The following ST18 variants were observed in gnomAD, a reference collection of about 807,000 sequenced individuals.
ST18 encodes ST18 C2H2C-type zinc finger transcription factor, also known as suppression of tumorigenicity 18 protein.
Under a neutral mutation model 110.0 loss-of-function variants are expected in ST18, and 50 were observed. The ratio of observed to expected loss-of-function variants is 0.45; its 90% CI spans 0.36 to 0.58. The LOEUF (loss-of-function observed/expected upper bound fraction) is 0.58, where lower values mean the gene tolerates loss of function less well. Ranked by LOEUF, ST18 falls within the 20% of genes least tolerant of loss-of-function variation. ST18 has a pLI of 0.00. For synonymous variants in ST18, 461 were observed against 452.4 expected (o/e 1.02, Z -0.24); for missense variants, 1,306 against 1,280.1 (o/e 1.02, Z -0.31).
At chr8:52,307,155 G>GAA (rs375466585) in intron 2 of ST18, among the ~76,000 whole-genome samples, 52 of 149,142 alleles carry the variant, frequency 3.5e-4, no homozygotes, top group African/African-American at 1.3e-3. Context: ...CCTGCCTCTA[G>GAA]AAAAAAAAAA....
chr8:52,407,446 T>C (rs1844906944), intron 2 of ST18: 1 of 119,324 alleles, frequency 8.4e-6, no homozygotes, highest in African/African-American at 2.6e-5. Flanking sequence ...TTGTGATTTT[T>C]TCAATATTTT....
rs1469596642 is a variant in ST18 at position 52,231,710 on chromosome 8, C to T, written c.-464-1633G>A. Among the ~76,000 whole-genome samples, 19 of 152,160 alleles carry T rather than the reference C, an allele frequency of 1.2e-4. 1 individual carries two copies. Among genetic ancestry groups the T allele is most frequent in the Admixed American group, 1.0e-3 (16 of 15,272 alleles). On this transcript the variant is annotated intron_variant, in intron 2 of 25. Transcript: ENST00000689386. ...CAGGATGGTCTTGATCTCTTGACCT[C>T]GTGATCCGCCAGCCGCGGCCTCCCA...
intron 2 of ST18, among the ~76,000 whole-genome samples, chr8:52,236,048 C>A (rs1564233972): frequency 6.6e-6 from 1 of 152,146 alleles, no homozygotes; most frequent in Non-Finnish European, 1.5e-5. Context: ...ACATACTGAT[C>A]TTGGATTAAA....
chr8:52,157,164 A>G (rs1013497609), intron 15 of ST18, among the ~76,000 whole-genome samples: 1 of 152,186 alleles, frequency 6.6e-6, no homozygotes, highest in Non-Finnish European at 1.5e-5. Flanking sequence ...AACCAAAAAT[A>G]TGTTTTTAAA....
At chr8:52,391,926 A>G (rs1042343568) in intron 2 of ST18, among the ~76,000 whole-genome samples, 8 of 152,198 alleles carry the variant, frequency 5.3e-5, no homozygotes, top group African/African-American at 9.6e-5. Flanking sequence ...CTCCAAGTAG[A>G]TGGAAGAGTA....
intron 2 of ST18, among the ~76,000 whole-genome samples, chr8:52,291,685 T>C (rs2095558021): frequency 6.6e-6 from 1 of 152,194 alleles, no homozygotes; most frequent in Non-Finnish European, 1.5e-5. Flanking sequence ...TTCAGTTTCA[T>C]TAATAGATGT....
At chr8:52,270,371 A>G (rs1324332075) in intron 2 of ST18, among the ~76,000 whole-genome samples, 1 of 152,168 alleles carries the variant, frequency 6.6e-6, no homozygotes. Flanking sequence ...GCTCCCCATT[A>G]TAAACAATGC....
intron 2 of ST18, among the ~76,000 whole-genome samples, chr8:52,383,390 C>T (rs984656124): frequency 6.6e-6 from 1 of 152,178 alleles, no homozygotes; most frequent in East Asian, 1.9e-4. Context: ...TCTGAAAAAC[C>T]GTGGGTGGTA....
chr8:52,239,420 C>A (rs988055147), intron 2 of ST18, among the ~76,000 whole-genome samples: 1 of 152,056 alleles, frequency 6.6e-6, no homozygotes, highest in African/African-American at 2.4e-5. Flanking sequence ...AAGGTGCCTG[C>A]ATGCTGTTTT....
chr8:52,129,483 T>C (rs1016448192), intron 22 of ST18, among the ~76,000 whole-genome samples: 2 of 145,886 alleles, frequency 1.4e-5, no homozygotes, highest in Non-Finnish European at 3.0e-5. Context: ...AGAAAGAAAT[T>C]CCACACACAG....
chr8:52,166,722 A>T, intron 11 of ST18, 130 bp downstream of exon 11: 1 of 1,248,068 alleles, frequency 8.0e-7, no homozygotes, highest in Non-Finnish European at 1.1e-6. Flanking sequence ...CCACAGCTAG[A>T]TGGAATTGGC....
At chr8:52,363,261 C>A (rs1826488722) in intron 2 of ST18, among the ~76,000 whole-genome samples, 1 of 152,126 alleles carries the variant, frequency 6.6e-6, no homozygotes. Flanking sequence ...GTCTATTTTA[C>A]CTGTACATTC....
At chr8:52,200,973 TG>T (rs1264478695) in intron 8 of ST18, 2 of 152,242 alleles carry the variant, frequency 1.3e-5, no homozygotes, top group Non-Finnish European at 2.9e-5. Context: ...AGAGGAGTGC[TG>T]GGGATGTAAA....
chr8:52,314,783 G>T (rs2095992775), intron 2 of ST18, among the ~76,000 whole-genome samples: 1 of 152,074 alleles, frequency 6.6e-6, no homozygotes, highest in Non-Finnish European at 1.5e-5. Flanking sequence ...CCCACCCATT[G>T]TGAGACTGCC....
intron 2 of ST18, among the ~76,000 whole-genome samples, chr8:52,253,068 A>G (rs1370183307): frequency 1.3e-5 from 2 of 151,614 alleles, no homozygotes; most frequent in East Asian, 3.9e-4. Context: ...ATTTTGCAGT[A>G]TTAGCTGTGG....
chr8:52,235,240 T>C (rs1341534018), intron 2 of ST18, among the ~76,000 whole-genome samples: 1 of 152,176 alleles, frequency 6.6e-6, no homozygotes, highest in Non-Finnish European at 1.5e-5. Context: ...CGTGGTAAGC[T>C]AGATGAACTA....
rs192820205 is a variant in ST18 at position 52,171,232 on chromosome 8, G to A, written c.1069+560C>T. Among the ~76,000 whole-genome samples the A allele has an allele frequency of 6.9e-3, 1,050 of 152,242 alleles. 47 individuals are homozygous for A. The highest frequency in any genetic ancestry group is 0.063 in the Admixed American group (958 of 15,288). Reference sequence around the variant, plus strand: ...GGAAGCAGGAACACACTTTTCTCAAGGTCTGAAGAACAATTCTAAAGCCTC... The same window carrying A: ...GGAAGCAGGAACACACTTTTCTCAAAGTCTGAAGAACAATTCTAAAGCCTC... On this transcript the variant is annotated intron_variant, in intron 10 of 25. Transcript: ENST00000689386.
chr8:52,294,295 C>T (rs1396713323), intron 2 of ST18, among the ~76,000 whole-genome samples: 2 of 152,222 alleles, frequency 1.3e-5, no homozygotes, highest in Non-Finnish European at 2.9e-5. Flanking sequence ...GACCCTGAAC[C>T]AGAAAGGAAC....
intron 2 of ST18, among the ~76,000 whole-genome samples, chr8:52,313,856 C>G (rs1296009722): frequency 6.6e-6 from 1 of 152,130 alleles, no homozygotes; most frequent in Non-Finnish European, 1.5e-5. Flanking sequence ...AACTTCTGCC[C>G]AGAGAGAGAG....
Sources: gnomAD v4.1 joint callset for allele counts (sites outside exome capture counted in the v4.1 genomes callset) on GRCh38, gnomAD v4.1.1 for gene constraint, MANE v1.5 for transcripts, NCBI Gene and HGNC (gene_info 2026-07-23, HGNC 2026-07-21) for gene names.